The following CRTC1 variants were observed in gnomAD, a reference collection of about 807,000 sequenced individuals.
CRTC1 encodes the protein CREB regulated transcription coactivator 1, also known as CREB-regulated transcription coactivator 1.
In CRTC1, 18 loss-of-function variants were observed where a neutral mutation model predicts 66.1. The ratio of observed to expected loss-of-function variants is 0.27; its 90% CI spans 0.19 to 0.40. CRTC1 has a LOEUF of 0.40. Among genes scored for constraint, CRTC1 ranks in the 10% least tolerant of loss-of-function variants. The pLI is 1.00. For missense variants in CRTC1, 669 were observed against 887.9 expected (o/e 0.75, Z 3.13); for synonymous variants, 416 against 398.8 (o/e 1.04, Z -0.51).
chr19:18,757,709 A>T (rs2054520186), intron 6 of CRTC1, among the ~76,000 whole-genome samples: 2 of 147,442 alleles, frequency 1.4e-5, no homozygotes, highest in Admixed American at 6.7e-5. Flanking sequence ...CTCATCTCTT[A>T]AAAAAAAATT....
intron 1 of CRTC1, among the ~76,000 whole-genome samples, chr19:18,712,832 C>A (rs545062180): frequency 6.6e-6 from 1 of 152,016 alleles, no homozygotes; most frequent in Non-Finnish European, 1.5e-5. Flanking sequence ...TGGTGGCATA[C>A]GGCTGTAATC....
At chr19:18,685,094 C>G (rs1432528058) in intron 1 of CRTC1, among the ~76,000 whole-genome samples, 4 of 152,172 alleles carry the variant, frequency 2.6e-5, no homozygotes, top group Non-Finnish European at 4.4e-5. Context: ...CTCAGGTAGA[C>G]TTAACCTCAG....
intron 1 of CRTC1, among the ~76,000 whole-genome samples, chr19:18,704,968 A>G (rs1482546385): frequency 7.8e-6 from 1 of 128,332 alleles, no homozygotes; most frequent in Non-Finnish European, 1.6e-5. Flanking sequence ...CCTGGCAACC[A>G]CCATCCTATT....
intron 1 of CRTC1, among the ~76,000 whole-genome samples, chr19:18,702,565 C>T (rs1425543794): frequency 1.4e-5 from 2 of 139,894 alleles, no homozygotes; most frequent in African/African-American, 2.7e-5. Context: ...TGGATTTTCG[C>T]TCTTGTTGCT....
Position 18,729,004 on chromosome 19 carries a change from G to A in CRTC1, c.127-13906G>A, listed in dbSNP as rs112678095. Among the ~76,000 whole-genome samples the A allele has an allele frequency of 8.0e-3, 1,136 of 142,106 alleles. 19 individuals are homozygous for A. The highest frequency in any genetic ancestry group is 0.028 in the African/African-American group (1,093 of 38,538). The allele number at this position is 142,106 out of a possible 152,430, so 93.2% of individuals were successfully genotyped here. ...ATTCTTGTATTTTTAGTAGAGACAG[G>A]GTTCCACCATGTTGGCCAGGCTGGT... On this transcript the variant is annotated intron_variant, in intron 1 of 13. Transcript: ENST00000321949.
intron 1 of CRTC1, among the ~76,000 whole-genome samples, chr19:18,727,866 C>T (rs888872004): frequency 2.6e-5 from 4 of 152,028 alleles, no homozygotes; most frequent in South Asian, 2.1e-4. Flanking sequence ...GGATTACAGG[C>T]GCCCATCACC....
chr19:18,755,415 T>C (rs2054461201), intron 6 of CRTC1, among the ~76,000 whole-genome samples: 1 of 151,310 alleles, frequency 6.6e-6, no homozygotes, highest in Non-Finnish European at 1.5e-5. Flanking sequence ...CATGCCACCA[T>C]GCCTGACAAA....
rs1431297875 is a variant in CRTC1 at position 18,781,312 on chromosome 19, A to C, written c.*3930A>C. On this transcript the variant is annotated 3_prime_UTR_variant, in exon 14 of 14. Transcript: ENST00000321949. ...ACCCTGGGAGGCCTGCCTGGGCTAC[A>C]TGGACACCTGGGTCTCTTTCTACCC... 1 of 228,224 alleles carries C rather than the reference A, an allele frequency of 4.4e-6. No individual in the cohort carries two copies. The highest frequency in any genetic ancestry group is 2.2e-5 in the African/African-American group (1 of 44,938). 14.1% of individuals were successfully genotyped at this position (228,224 alleles called of 1,614,324 possible).
At chr19:18,695,809 G>C (rs1489447952) in intron 1 of CRTC1, among the ~76,000 whole-genome samples, 1 of 152,152 alleles carries the variant, frequency 6.6e-6, no homozygotes, top group African/African-American at 2.4e-5. Context: ...AGCTTGCGGT[G>C]AGCCGAGATC....
intron 4 of CRTC1, among the ~76,000 whole-genome samples, chr19:18,749,211 T>C (rs939633535): frequency 6.6e-6 from 1 of 152,136 alleles, no homozygotes; most frequent in Non-Finnish European, 1.5e-5. Context: ...CAGGTTGGCT[T>C]CCCAACCACG....
intron 1 of CRTC1, among the ~76,000 whole-genome samples, chr19:18,730,899 G>A (rs530192952): frequency 6.6e-6 from 1 of 152,278 alleles, no homozygotes; most frequent in African/African-American, 2.4e-5. Context: ...GAGGGAGCTT[G>A]GAGAGGGAAG....
intron 1 of CRTC1, among the ~76,000 whole-genome samples, chr19:18,707,011 G>T (rs1443372668): frequency 6.6e-6 from 1 of 151,972 alleles, no homozygotes; most frequent in Non-Finnish European, 1.5e-5. Flanking sequence ...TGTTGATTAC[G>T]TCTTTTGATG....
chr19:18,776,070 C>T (rs1373777544), intron 13 of CRTC1, among the ~76,000 whole-genome samples: 1 of 152,326 alleles, frequency 6.6e-6, no homozygotes, highest in Non-Finnish European at 1.5e-5. Context: ...GACGGTCACT[C>T]TCCCCTCTCG....
intron 1 of CRTC1, among the ~76,000 whole-genome samples, chr19:18,688,459 A>T (rs1368114923): frequency 6.7e-6 from 1 of 149,462 alleles, no homozygotes; most frequent in Non-Finnish European, 1.5e-5. Context: ...TGTTTTTTTG[A>T]GGAGGAGCCC....
chr19:18,694,485 T>C (rs2052936314), intron 1 of CRTC1, among the ~76,000 whole-genome samples: 1 of 152,170 alleles, frequency 6.6e-6, no homozygotes, highest in Non-Finnish European at 1.5e-5. Flanking sequence ...CATAGTCCCA[T>C]GCAACAGAGA....
intron 6 of CRTC1, among the ~76,000 whole-genome samples, chr19:18,756,926 C>T (rs1326994354): frequency 6.6e-6 from 1 of 152,168 alleles, no homozygotes; most frequent in East Asian, 1.9e-4. Flanking sequence ...CGAATGTTTA[C>T]TCTCAGAATG....
chr19:18,717,265 G>C (rs1054915986), intron 1 of CRTC1, among the ~76,000 whole-genome samples: 13 of 151,970 alleles, frequency 8.6e-5, no homozygotes, highest in Non-Finnish European at 1.5e-5. Flanking sequence ...GGGCCCAGGG[G>C]AAGTCTTTCC....
intron 1 of CRTC1, among the ~76,000 whole-genome samples, chr19:18,716,412 C>T (rs1365081116): frequency 6.6e-6 from 1 of 152,096 alleles, no homozygotes; most frequent in Non-Finnish European, 1.5e-5. Flanking sequence ...CCACCACACC[C>T]AGCTAATTTT....
Position 18,727,252 on chromosome 19 carries a change from A to G in CRTC1, c.127-15658A>G, listed in dbSNP as rs977732622. Among the ~76,000 whole-genome samples, 9 of 131,032 alleles carry G rather than the reference A, an allele frequency of 6.9e-5. 1 individual carries two copies. The highest frequency in any genetic ancestry group is 6.7e-4 in the Admixed American group (9 of 13,380). The allele number at this position is 131,032 out of a possible 152,430, so 86.0% of individuals were successfully genotyped here. A position where few individuals can be genotyped will look rare whatever the true frequency, so the allele number is the denominator to read the frequency against. ...GTGACAGAGTGAGACCCTGTCTCAA[A>G]CAAACAAGGCAAAACAGAGGCACAG... is the stretch of plus-strand genomic sequence containing the variant. On this transcript the variant is annotated intron_variant, in intron 1 of 13. Coordinates refer to ENST00000321949, the MANE Select transcript of CRTC1 (RefSeq NM_015321.3).
Sources: allele counts gnomAD v4.1 joint callset (sites outside exome capture counted in the v4.1 genomes callset), GRCh38; gene constraint gnomAD v4.1.1; transcripts MANE v1.5; gene names NCBI Gene and HGNC (gene_info 2026-07-23, HGNC 2026-07-21).